DNM3: variants seen among roughly 807,000 people sequenced by gnomAD.
DNM3 encodes dynamin-3.
In DNM3, 47 loss-of-function variants were observed where a neutral mutation model predicts 101.6. That is an observed-to-expected ratio of 0.46 (90% CI 0.37 to 0.59). The LOEUF (loss-of-function observed/expected upper bound fraction) is 0.59, where lower values mean the gene tolerates loss of function less well. Ranked by LOEUF, DNM3 falls within the 20% of genes least tolerant of loss-of-function variation. DNM3 has a pLI of 0.00. For missense variants in DNM3, 849 were observed against 1,085.7 expected, an observed-to-expected ratio of 0.78 and a Z score of 3.06; for synonymous variants, 385 against 387.9, an observed-to-expected ratio of 0.99 and a Z score of 0.09.
chr1:172,145,584 G>C (rs2057849505), intron 14 of DNM3, among the ~76,000 whole-genome samples: 1 of 152,120 alleles, frequency 6.6e-6, no homozygotes, highest in African/African-American at 2.4e-5. Flanking sequence ...AGTTCCACAT[G>C]TGGCCTTCCT....
chr1:171,929,451 G>A (rs2040832182), intron 2 of DNM3, among the ~76,000 whole-genome samples: 1 of 151,688 alleles, frequency 6.6e-6, no homozygotes, highest in Non-Finnish European at 1.5e-5. Context: ...TTTGAAGGCT[G>A]GAACAGCAAA....
At chr1:172,344,815 T>C (rs1399002603) in intron 17 of DNM3, among the ~76,000 whole-genome samples, 2 of 152,232 alleles carry the variant, frequency 1.3e-5, no homozygotes, top group Non-Finnish European at 2.9e-5. Flanking sequence ...ATATTAATGG[T>C]TGATTTGAAT....
chr1:171,994,604 T>C (rs925951556), intron 4 of DNM3, among the ~76,000 whole-genome samples: 2 of 152,164 alleles, frequency 1.3e-5, no homozygotes, highest in East Asian at 3.9e-4. Context: ...CAAACATGCA[T>C]GTGGCTTTCT....
At chr1:172,035,792 A>G (rs2048913228) in intron 6 of DNM3, among the ~76,000 whole-genome samples, 2 of 152,058 alleles carry the variant, frequency 1.3e-5, no homozygotes, top group East Asian at 1.9e-4. Context: ...TGCCTGCTTC[A>G]TAGTTAGAAC....
intron 4 of DNM3, among the ~76,000 whole-genome samples, chr1:172,030,411 A>G (rs1039924771): frequency 3.9e-5 from 6 of 152,330 alleles, no homozygotes; most frequent in African/African-American, 1.4e-4. Flanking sequence ...TTAACCCAAG[A>G]TGGATTAAAG....
chr1:172,136,117 T>C (rs17277015), intron 14 of DNM3, among the ~76,000 whole-genome samples: 31,866 of 152,024 alleles, frequency 0.21, 4,437 homozygotes, highest in Non-Finnish European at 0.32. Context: ...TGCATTGAAA[T>C]AAGGACATTC....
chr1:171,905,157 G>A (rs2038713766), intron 1 of DNM3, among the ~76,000 whole-genome samples: 1 of 152,164 alleles, frequency 6.6e-6, no homozygotes, highest in South Asian at 2.1e-4. Flanking sequence ...ATAGCTTTAT[G>A]TGCGTACATT....
intron 17 of DNM3, among the ~76,000 whole-genome samples, chr1:172,369,353 A>C (rs2068199253): frequency 6.6e-6 from 1 of 152,018 alleles, no homozygotes; most frequent in Non-Finnish European, 1.5e-5. Context: ...ATATCACATC[A>C]ACAGAATGAA....
intron 1 of DNM3, among the ~76,000 whole-genome samples, chr1:171,911,110 A>G (rs1355775998): frequency 1.3e-5 from 2 of 152,150 alleles, no homozygotes; most frequent in Non-Finnish European, 2.9e-5. Flanking sequence ...GAGAAGCTGG[A>G]TCCAGGAATC....
intron 2 of DNM3, among the ~76,000 whole-genome samples, chr1:171,938,715 T>A (rs1308658789): frequency 6.6e-6 from 1 of 152,170 alleles, no homozygotes; most frequent in African/African-American, 2.4e-5. Context: ...TGCAGATACA[T>A]CATACATATA....
intron 17 of DNM3, among the ~76,000 whole-genome samples, chr1:172,367,685 C>T (rs182677764): frequency 1.5e-3 from 233 of 151,840 alleles, no homozygotes; most frequent in African/African-American, 5.2e-3. Context: ...AACTATATGC[C>T]GCCTACAATA....
intron 1 of DNM3, among the ~76,000 whole-genome samples, chr1:171,848,213 C>T (rs1260960406): frequency 2.0e-5 from 3 of 152,108 alleles, no homozygotes; most frequent in Non-Finnish European, 4.4e-5. Flanking sequence ...CTCCTTTTCC[C>T]ATCCCTTTGC....
intron 4 of DNM3, among the ~76,000 whole-genome samples, chr1:171,996,518 C>G (rs181228524): frequency 7.3e-4 from 111 of 152,136 alleles, no homozygotes; most frequent in African/African-American, 2.5e-3. Flanking sequence ...GTACTTTTTC[C>G]ACTTCATCAG....
intron 1 of DNM3, among the ~76,000 whole-genome samples, chr1:171,856,836 C>T (rs1470755603): frequency 1.3e-5 from 2 of 152,150 alleles, no homozygotes; most frequent in Non-Finnish European, 2.9e-5. Context: ...TCATTTCTTT[C>T]TATTTGGATG....
chr1:172,289,242 G>A (rs1470087079), intron 15 of DNM3, among the ~76,000 whole-genome samples: 1 of 151,912 alleles, frequency 6.6e-6, no homozygotes, highest in Non-Finnish European at 1.5e-5. Context: ...TAGGGAAAAA[G>A]GTATATAAAA....
chr1:171,940,437 C>T (rs1400602249), intron 2 of DNM3, among the ~76,000 whole-genome samples: 4 of 152,164 alleles, frequency 2.6e-5, no homozygotes, highest in Non-Finnish European at 5.9e-5. Context: ...TTTCCTGTTA[C>T]TCTCATCTTG....
chr1:172,258,709 G>A (rs909262309), intron 15 of DNM3, among the ~76,000 whole-genome samples: 1 of 151,672 alleles, frequency 6.6e-6, no homozygotes, highest in Non-Finnish European at 1.5e-5. Context: ...TTTTCATTTG[G>A]TGATCTTTTG....
At chr1:171,923,184 T>C (rs1275408913) in intron 2 of DNM3, among the ~76,000 whole-genome samples, 2 of 152,202 alleles carry the variant, frequency 1.3e-5, no homozygotes, top group Non-Finnish European at 2.9e-5. Context: ...AGGGTTACAG[T>C]TTTTCTATAT....
intron 14 of DNM3, among the ~76,000 whole-genome samples, chr1:172,165,927 G>C (rs2058726777): frequency 6.6e-6 from 1 of 151,094 alleles, no homozygotes; most frequent in Admixed American, 6.6e-5. Flanking sequence ...TATCTTTTTT[G>C]TGCCAGGCAC....
Sources: gnomAD v4.1 joint callset for allele counts (sites outside exome capture counted in the v4.1 genomes callset) on GRCh38, gnomAD v4.1.1 for gene constraint, MANE v1.5 for transcripts, NCBI Gene and HGNC (gene_info 2026-07-23, HGNC 2026-07-21) for gene names.